PRIM2: variants seen among roughly 807,000 people sequenced by gnomAD.
The protein encoded by PRIM2 is DNA primase subunit 2, also known as DNA primase large subunit.
In PRIM2, 39 loss-of-function variants were observed where a neutral mutation model predicts 67.3. The ratio of observed to expected loss-of-function variants is 0.58; its 90% CI spans 0.45 to 0.76. PRIM2 has a LOEUF of 0.76. Among genes scored for constraint, PRIM2 ranks in the 30% least tolerant of loss-of-function variants. PRIM2 has a pLI of 0.00. For synonymous variants in PRIM2, 143 were observed against 198.7 expected, an observed-to-expected ratio of 0.72 and a Z score of 2.36; for missense variants, 398 against 598.7, an observed-to-expected ratio of 0.66 and a Z score of 3.50.
At chr6:57,418,383 G>GTTTTTTTTT (rs34491627) in intron 7 of PRIM2, among the ~76,000 whole-genome samples, 26 of 47,230 alleles carry the variant, frequency 5.5e-4, no homozygotes, top group South Asian at 1.0e-3. Context: ...TATGTGTGTG[G>GTTTTTTTTT]TTTTTTTTTT....
the PRIM2 span, among the ~76,000 whole-genome samples, chr6:57,308,136 C>CT: frequency 5.9e-3 from 874 of 147,490 alleles, 10 homozygotes; most frequent in African/African-American, 0.017. Context: ...TTTTTTCTCT[C>CT]TTTTTTTTTT....
the PRIM2 span, among the ~76,000 whole-genome samples, chr6:57,256,009 G>GC: frequency 7.5e-6 from 1 of 133,604 alleles, no homozygotes; most frequent in Non-Finnish European, 1.5e-5. Flanking sequence ...ATTTAGACAC[G>GC]CACACACACA....
At chr6:57,412,557 A>G (rs1192584229) in intron 7 of PRIM2, among the ~76,000 whole-genome samples, 2 of 151,686 alleles carry the variant, frequency 1.3e-5, no homozygotes, top group Non-Finnish European at 3.0e-5. Context: ...GTACTTCTCC[A>G]CATGATATAC....
At chr6:57,443,573 T>C (rs1772270011) in intron 7 of PRIM2, among the ~76,000 whole-genome samples, 1 of 152,236 alleles carries the variant, frequency 6.6e-6, no homozygotes, top group Admixed American at 6.5e-5. Flanking sequence ...ATAATGTCTA[T>C]TCTGGTCCCT....
rs1453566268 is a variant in PRIM2 at position 57,543,321 on chromosome 6, C to T, written c.1020+5696C>T. Among the ~76,000 whole-genome samples the T allele has an allele frequency of 7.6e-4, 116 of 152,184 alleles. 1 individual carries two copies. The highest frequency in any genetic ancestry group is 3.4e-3 in the Admixed American group (52 of 15,288). On this transcript the variant is annotated intron_variant, in intron 10 of 13. Coordinates refer to ENST00000615550, the MANE Select transcript of PRIM2 (RefSeq NM_000947.5). ...AAGGACTTGGGTGTTGAACCCAGCT[C>T]GAATGATTTGAAATAACAGCTTCTG...
chr6:57,291,614 C>T, the PRIM2 span, among the ~76,000 whole-genome samples: 12 of 152,068 alleles, frequency 7.9e-5, no homozygotes, highest in African/African-American at 1.9e-4. Context: ...AGTGGCAAAC[C>T]GAATCCAGCA....
chr6:57,448,364 G>C (rs1772429939), intron 7 of PRIM2, among the ~76,000 whole-genome samples: 1 of 152,110 alleles, frequency 6.6e-6, no homozygotes, highest in East Asian at 1.9e-4. Flanking sequence ...GAGTAGGATT[G>C]GCAGGGGGAG....
chr6:57,267,159 G>T, the PRIM2 span, among the ~76,000 whole-genome samples: 1 of 152,190 alleles, frequency 6.6e-6, no homozygotes, highest in Non-Finnish European at 1.5e-5. Context: ...ATTAATCAAT[G>T]CATTGCTTTA....
chr6:57,325,340 C>T (rs541293732), intron 4 of PRIM2, among the ~76,000 whole-genome samples: 4 of 146,186 alleles, frequency 2.7e-5, no homozygotes, highest in African/African-American at 7.6e-5. Context: ...CATGCCATTA[C>T]CTAGGCTGGA....
intron 10 of PRIM2, among the ~76,000 whole-genome samples, chr6:57,547,315 T>C (rs1465631972): frequency 2.0e-5 from 3 of 152,186 alleles, no homozygotes; most frequent in Non-Finnish European, 4.4e-5. Flanking sequence ...TACCTGAGTA[T>C]ATTTTGTGCT....
intron 3 of PRIM2, among the ~76,000 whole-genome samples, chr6:57,322,172 C>T (rs1767683132): frequency 6.6e-6 from 1 of 152,112 alleles, no homozygotes; most frequent in African/African-American, 2.4e-5. Flanking sequence ...GATATACAAG[C>T]ACACACTTGT....
At chr6:57,274,222 A>T in the PRIM2 span, among the ~76,000 whole-genome samples, 2 of 152,246 alleles carry the variant, frequency 1.3e-5, no homozygotes, top group Non-Finnish European at 2.9e-5. Context: ...CCCTGCCCCC[A>T]GAGGTGGAGC....
intron 3 of PRIM2, among the ~76,000 whole-genome samples, chr6:57,322,085 G>A (rs896618545): frequency 6.6e-6 from 1 of 152,156 alleles, no homozygotes; most frequent in Admixed American, 6.5e-5. Flanking sequence ...TATAGAAGAT[G>A]TACTTTTTTA....
chr6:57,303,762 C>T, the PRIM2 span, among the ~76,000 whole-genome samples: 2 of 152,176 alleles, frequency 1.3e-5, no homozygotes, highest in African/African-American at 4.8e-5. Flanking sequence ...ATTACAGGCA[C>T]CCGCCACCAT....
chr6:57,324,135 C>A, intron 3 of PRIM2, 66 bp from the exon 4 acceptor site: 1 of 863,600 alleles, frequency 1.2e-6, no homozygotes, highest in Non-Finnish European at 1.9e-6. Flanking sequence ...TAGGCTGGCT[C>A]AGTATTTCCT....
the PRIM2 span, among the ~76,000 whole-genome samples, chr6:57,297,390 C>T: frequency 6.6e-6 from 1 of 151,884 alleles, no homozygotes; most frequent in Non-Finnish European, 1.5e-5. Flanking sequence ...TGCAGTGAGC[C>T]GAGATCAAGA....
At chr6:57,315,978 T>C (rs937862237), upstream of PRIM2, among the ~76,000 whole-genome samples, 6 of 152,220 alleles carry the variant, frequency 3.9e-5, no homozygotes, top group African/African-American at 1.4e-4. Flanking sequence ...ATTTGTATTA[T>C]GTATTTAATA....
chr6:57,370,446 A>G lies in PRIM2; in HGVS notation c.460-9455A>G, dbSNP rs6459205. ...TCTGACAGTCATCCTACATTTTTCAATGAGAATTGTCTTGTATTTTCCATT... is the reference window on the plus strand; with the variant it reads ...TCTGACAGTCATCCTACATTTTTCAGTGAGAATTGTCTTGTATTTTCCATT... On this transcript the variant is annotated intron_variant, in intron 5 of 13. Transcript: ENST00000615550. Among the ~76,000 whole-genome samples the G allele has an allele frequency of 9.8e-5, 15 of 152,286 alleles. No homozygotes were observed. The South Asian group carries it at 1.2e-3, about 13-fold the overall frequency.
At chr6:57,334,854 A>T (rs1056342412) in intron 5 of PRIM2, among the ~76,000 whole-genome samples, 2 of 152,160 alleles carry the variant, frequency 1.3e-5, no homozygotes, top group South Asian at 2.1e-4. Context: ...TACTGCAATT[A>T]AAAAAATGGT....
Sources: allele counts gnomAD v4.1 joint callset (sites outside exome capture counted in the v4.1 genomes callset), GRCh38; gene constraint gnomAD v4.1.1; transcripts MANE v1.5; gene names NCBI Gene and HGNC (gene_info 2026-07-23, HGNC 2026-07-21).